The following CTIF variants were observed in gnomAD, a reference collection of about 807,000 sequenced individuals.
CTIF encodes the protein cap binding complex dependent translation initiation factor.
Under a neutral mutation model 66.0 loss-of-function variants are expected in CTIF, and 21 were observed. The observed-to-expected ratio is 0.32, with a 90% confidence interval of 0.23 to 0.46. The LOEUF is 0.46. CTIF is among the 20% of genes least tolerant of loss of function. The pLI is 1.00. For synonymous variants in CTIF, 345 were observed against 326.4 expected (o/e 1.06, Z -0.62); for missense variants, 739 against 812.7 (o/e 0.91, Z 1.10).
intron 1 of CTIF, chr18:48,568,140 A>G (rs566214985): frequency 4.6e-5 from 7 of 152,208 alleles, no homozygotes; most frequent in Non-Finnish European, 7.4e-5. Flanking sequence ...AAAAAAAAGT[A>G]AAGTGTAAAT....
chr18:48,577,926 A>C (rs2089570155), intron 1 of CTIF, among the ~76,000 whole-genome samples: 1 of 148,100 alleles, frequency 6.8e-6, no homozygotes, highest in Non-Finnish European at 1.5e-5. Flanking sequence ...CCTCAACACT[A>C]TCTAACCCCA....
At chr18:48,607,268 T>G (rs1025145240) in intron 1 of CTIF, among the ~76,000 whole-genome samples, 13 of 152,182 alleles carry the variant, frequency 8.5e-5, no homozygotes, top group African/African-American at 3.1e-4. Context: ...CGTAGAGAAT[T>G]CAGGGAGAGC....
intron 10 of CTIF, among the ~76,000 whole-genome samples, chr18:48,830,418 C>A (rs1330716058): frequency 6.6e-6 from 1 of 152,176 alleles, no homozygotes; most frequent in Non-Finnish European, 1.5e-5. Context: ...CCCACCTTGG[C>A]CTCCCAAGGT....
intron 7 of CTIF, among the ~76,000 whole-genome samples, chr18:48,748,641 C>A (rs1013178000): frequency 5.9e-5 from 9 of 152,080 alleles, no homozygotes; most frequent in Non-Finnish European, 1.0e-4. Flanking sequence ...CCAAGACCAC[C>A]CAGCTAGACC....
rs947746747 is a variant in CTIF, at chr18:48,733,173, A to T, written c.584+21478A>T. 4.6e-5 allele frequency among the ~76,000 whole-genome samples: 7 copies of T among 151,350 alleles called. No individual in the cohort carries two copies. The South Asian group carries it at 1.0e-3, about 23-fold the overall frequency. On this transcript the variant is annotated intron_variant, in intron 7 of 11. Transcript: ENST00000256413. ...AGGCAGTATCCCAAGGCACTCGGAC[A>T]CCTCTGTCACTAACTTTTTCAAGTT...
At chr18:48,656,669 G>A (rs1397714610) in intron 3 of CTIF, among the ~76,000 whole-genome samples, 1 of 152,170 alleles carries the variant, frequency 6.6e-6, no homozygotes, top group Admixed American at 6.5e-5. Flanking sequence ...GGTGCACCCT[G>A]GTATGGGGCC....
intron 2 of CTIF, among the ~76,000 whole-genome samples, chr18:48,634,714 C>T (rs929523269): frequency 1.3e-5 from 2 of 152,176 alleles, no homozygotes; most frequent in South Asian, 2.1e-4. Context: ...AATTGTGGTC[C>T]GCAGGGGTCA....
chr18:48,666,259 C>T (rs1003102129), intron 5 of CTIF, among the ~76,000 whole-genome samples: 5 of 152,144 alleles, frequency 3.3e-5, no homozygotes, highest in Non-Finnish European at 5.9e-5. Flanking sequence ...GGACACTATC[C>T]TACATCTCAC....
chr18:48,601,017 G>C (rs368185721), intron 1 of CTIF, among the ~76,000 whole-genome samples: 1 of 152,180 alleles, frequency 6.6e-6, no homozygotes, highest in Non-Finnish European at 1.5e-5. Flanking sequence ...GCTCTCCTAC[G>C]TGTTGGGTAG....
At chr18:48,677,147 A>G (rs1188108502) in intron 6 of CTIF, among the ~76,000 whole-genome samples, 1 of 152,134 alleles carries the variant, frequency 6.6e-6, no homozygotes, top group African/African-American at 2.4e-5. Context: ...CTTCTAGGAC[A>G]TGCTAACTCA....
chr18:48,645,765 A>AG (rs200325271), intron 3 of CTIF, among the ~76,000 whole-genome samples: 4,080 of 152,290 alleles, frequency 0.027, 83 homozygotes, highest in Non-Finnish European at 0.043. Context: ...TGCATGTCAG[A>AG]GGGGACCACA....
Position 48,703,352 on chromosome 18 carries a change from G to A in CTIF, c.508-8267G>A, listed in dbSNP as rs535219484. ...AGGTGTGCCTGGTGAGGAGCCCGGT[G>A]TGGCCACCTCCTGCCTGGGACCTCC... is the stretch of plus-strand genomic sequence containing the variant. On this transcript the variant is annotated intron_variant, in intron 6 of 11. Transcript: ENST00000256413. Among the ~76,000 whole-genome samples, 310 of 152,294 alleles carry A rather than the reference G, an allele frequency of 2.0e-3. 1 individual carries two copies. Among genetic ancestry groups the A allele is most frequent in the African/African-American group, 6.7e-3 (277 of 41,558 alleles).
At chr18:48,631,768 G>A (rs1028351220) in intron 2 of CTIF, among the ~76,000 whole-genome samples, 2 of 152,100 alleles carry the variant, frequency 1.3e-5, no homozygotes, top group East Asian at 1.9e-4. Context: ...AACTTCCCAC[G>A]TTTCCCGCCT....
intron 7 of CTIF, among the ~76,000 whole-genome samples, chr18:48,719,027 C>G (rs891358886): frequency 6.6e-6 from 1 of 152,164 alleles, no homozygotes; most frequent in Non-Finnish European, 1.5e-5. Context: ...GAGAGGTCTG[C>G]TTTCTTTTTG....
At chr18:48,616,179 T>A (rs930812234) in intron 1 of CTIF, among the ~76,000 whole-genome samples, 2 of 152,234 alleles carry the variant, frequency 1.3e-5, no homozygotes, top group African/African-American at 4.8e-5. Context: ...CTGTTAGGTG[T>A]GCCAGGGAGC....
At chr18:48,545,994 G>A (rs1340588998) in intron 1 of CTIF, among the ~76,000 whole-genome samples, 1 of 152,176 alleles carries the variant, frequency 6.6e-6, no homozygotes, top group East Asian at 1.9e-4. Flanking sequence ...AGTGAGTTAG[G>A]GGAGAGGCAT....
intron 7 of CTIF, among the ~76,000 whole-genome samples, chr18:48,748,307 T>C (rs1385534597): frequency 6.6e-6 from 1 of 151,560 alleles, no homozygotes; most frequent in Non-Finnish European, 1.5e-5. Flanking sequence ...CCCCAGCAGG[T>C]GGGGGCCACT....
chr18:48,551,370 T>C (rs1392943270), intron 1 of CTIF, among the ~76,000 whole-genome samples: 2 of 152,048 alleles, frequency 1.3e-5, no homozygotes, highest in African/African-American at 4.8e-5. Flanking sequence ...TATGGAAGGA[T>C]TCTCCCCTGC....
At chr18:48,660,151 A>T (rs536331156) in intron 3 of CTIF, among the ~76,000 whole-genome samples, 1 of 147,572 alleles carries the variant, frequency 6.8e-6, no homozygotes, top group South Asian at 2.2e-4. Flanking sequence ...TTGGCATTTA[A>T]ATATGGATGT....
Sources: gnomAD v4.1 joint callset for allele counts (sites outside exome capture counted in the v4.1 genomes callset) on GRCh38, gnomAD v4.1.1 for gene constraint, MANE v1.5 for transcripts, NCBI Gene and HGNC (gene_info 2026-07-23, HGNC 2026-07-21) for gene names.